MYOM3: variants seen among roughly 807,000 people sequenced by gnomAD.
MYOM3 encodes the protein myomesin-3.
A neutral mutation model predicts 191.7 loss-of-function variants in MYOM3; 155 were observed. The observed-to-expected ratio is 0.81, with a 90% CI of 0.71 to 0.92. The LOEUF (loss-of-function observed/expected upper bound fraction) is 0.92. MYOM3 is among the 40% of genes least tolerant of loss of function. The pLI, the probability that MYOM3 is intolerant of heterozygous loss-of-function variation, is 0.00. For synonymous variants in MYOM3, 757 were observed against 762.9 expected, an observed-to-expected ratio of 0.99 and a Z score of 0.13; for missense variants, 1,889 against 1,890.6, an observed-to-expected ratio of 1.00 and a Z score of 0.02.
chr1:24,075,867 T>C (rs1476774397), intron 21 of MYOM3, among the ~76,000 whole-genome samples: 1 of 152,252 alleles, frequency 6.6e-6, no homozygotes, highest in Non-Finnish European at 1.5e-5. Context: ...CATCACCAAA[T>C]ATTTATTAAA....
rs1570843951 is a variant in MYOM3, at chr1:24,056,161, T to G, written c.*1203A>C. On this transcript the variant is annotated 3_prime_UTR_variant, in exon 37 of 37. Coordinates refer to ENST00000374434, the MANE Select transcript of MYOM3 (RefSeq NM_152372.4). ...CATCTTATTTTTAAAAAGAAAAAAG[T>G]TGGGGGGCAGAGAAATGCCCAGCTC... 3.3e-5 allele frequency: 5 copies of G among 152,160 alleles called. No homozygotes were observed. The highest frequency in any genetic ancestry group is 2.6e-4 in the Admixed American group (4 of 15,270). The allele number at this position is 152,160 out of a possible 1,614,324, so 9.4% of individuals were successfully genotyped here. A position where few individuals can be genotyped will look rare whatever the true frequency, so the allele number is the denominator to read the frequency against.
chr1:24,107,707 C>A (rs1477572445), intron 3 of MYOM3, among the ~76,000 whole-genome samples: 1 of 152,160 alleles, frequency 6.6e-6, no homozygotes, highest in Non-Finnish European at 1.5e-5. Context: ...CATTCTTAGC[C>A]CCCTCCCCCA....
At chr1:24,079,179 G>A (rs1205518066) in intron 20 of MYOM3, among the ~76,000 whole-genome samples, 1 of 151,978 alleles carries the variant, frequency 6.6e-6, no homozygotes, top group Non-Finnish European at 1.5e-5. Context: ...ATCTTTTTGT[G>A]TCAATACATG....
intron 2 of MYOM3, 85 bp downstream of exon 2, chr1:24,108,391 C>A: frequency 7.3e-7 from 1 of 1,377,502 alleles, no homozygotes; most frequent in South Asian, 1.5e-5. Context: ...GTTGGAGCCT[C>A]CAGAGGGCTA....
At chr1:24,105,863 G>A (rs900153274) in intron 5 of MYOM3, 57 bp downstream of exon 5, 16 of 1,502,166 alleles carry the variant, frequency 1.1e-5, no homozygotes, top group Non-Finnish European at 1.4e-5. Flanking sequence ...TATTGGATGT[G>A]AGGAACTCAC....
At chr1:24,093,590 T>G (rs1643863379) in intron 9 of MYOM3, among the ~76,000 whole-genome samples, 1 of 151,656 alleles carries the variant, frequency 6.6e-6, no homozygotes, top group Non-Finnish European at 1.5e-5. Flanking sequence ...GTGAGGGCTC[T>G]CGGGATGGGA....
At chr1:24,100,848 C>A (rs1245739177) in intron 5 of MYOM3, among the ~76,000 whole-genome samples, 2 of 150,588 alleles carry the variant, frequency 1.3e-5, no homozygotes, top group Non-Finnish European at 2.9e-5. Context: ...GATCGCGCCA[C>A]TGCACTCCAG....
At position 24,075,307 on chromosome 1, in the gene MYOM3, C is replaced by T. The variant is rs543352116; in HGVS notation, c.2858+12G>A. ...CCCGTTGAGCAGTTGTTTCTCCTCT[C>T]GCCTCACTTACTTGTTAACTTTATC... On this transcript the variant is annotated intron_variant, in intron 22 of 36. Transcript: ENST00000374434. The T allele has an allele frequency of 8.4e-5, 136 of 1,611,620 alleles. No individual in the cohort carries two copies. Among genetic ancestry groups the T allele is most frequent in the South Asian group, 3.0e-4 (27 of 90,910 alleles).
chr1:24,108,649 A>G lies in MYOM3; in HGVS notation c.-13T>C. ...GCGGCAGAGTCATGGTTACGAGAGC[A>G]ACAACCTGTGAAGGCCAAGGTCCAC... is the stretch of plus-strand genomic sequence containing the variant. On this transcript the variant is annotated 5_prime_UTR_variant, in exon 2 of 37. Transcript: ENST00000374434. 1 of 1,540,128 alleles carries G rather than the reference A, an allele frequency of 6.5e-7. No homozygotes were observed. The highest frequency in any genetic ancestry group is 8.7e-7 in the Non-Finnish European group (1 of 1,145,508).
chr1:24,084,876 TACTC>T (rs1643716902), intron 15 of MYOM3, among the ~76,000 whole-genome samples: 1 of 152,146 alleles, frequency 6.6e-6, no homozygotes, highest in Non-Finnish European at 1.5e-5. Context: ...CACAAAAGCA[TACTC>T]ACTCATTCAT....
chr1:24,097,546 G>A (rs1208718548), intron 7 of MYOM3, among the ~76,000 whole-genome samples: 1 of 152,204 alleles, frequency 6.6e-6, no homozygotes, highest in East Asian at 1.9e-4. Context: ...AGAGAGCTGA[G>A]TTCAAGTCCC....
At chr1:24,098,787 T>G (rs981003368) in intron 6 of MYOM3, among the ~76,000 whole-genome samples, 1 of 152,204 alleles carries the variant, frequency 6.6e-6, no homozygotes, top group Non-Finnish European at 1.5e-5. Flanking sequence ...TCCCCACTTC[T>G]GAAGGGTAAG....
intron 23 of MYOM3, among the ~76,000 whole-genome samples, chr1:24,073,524 C>A (rs570785090): frequency 9.0e-4 from 137 of 152,148 alleles, no homozygotes; most frequent in Non-Finnish European, 1.7e-3. Flanking sequence ...TTTTTTGGGG[C>A]TACAGAAGGA....
At chr1:24,079,869 G>A in intron 20 of MYOM3, 147 bp downstream of exon 20, 2 of 748,332 alleles carry the variant, frequency 2.7e-6, no homozygotes, top group Non-Finnish European at 4.1e-6. Context: ...CCAACTTGCT[G>A]TGTGACCCTA....
chr1:24,106,084 G>A lies in MYOM3; in HGVS notation c.403-7C>T, dbSNP rs770610921. 1.2e-6 allele frequency: 2 copies of A among 1,605,696 alleles called. No homozygotes were observed. The highest frequency in any genetic ancestry group is 1.3e-5 in the African/African-American group (1 of 74,800). On this transcript the variant is annotated splice_region_variant and splice_polypyrimidine_tract_variant and intron_variant, in intron 4 of 36. Transcript: ENST00000374434. Reference sequence around the variant, plus strand: ...CCTGGACCTTCTCCTCTGTCTGGAGGCGGGAAGAGGTGTATGACGCTGTGA... The same window carrying A: ...CCTGGACCTTCTCCTCTGTCTGGAGACGGGAAGAGGTGTATGACGCTGTGA...
In MYOM3 at chr1:24,082,032, T is replaced by C. The variant is rs774439374; in HGVS notation, c.2249A>G (p.Asn750Ser). 1.9e-6 allele frequency: 3 copies of C among 1,611,808 alleles called. No individual in the cohort carries two copies. The highest frequency in any genetic ancestry group is 2.5e-6 in the Non-Finnish European group (3 of 1,179,802). ...GACCCGGGTGGGGATGGGCTGCTGA[T>C]TGACCGCATGCCAGTCCAGCTCTTC... ...DSEELDWHAVNQQPIPTRVCK... is the reference protein window; with the variant it reads ...DSEELDWHAVSQQPIPTRVCK... Residue 750 changes from asparagine (N) to serine (S), a missense_variant, in exon 18 of 37, where the codon AAT (asparagine) becomes AGT (serine). By Grantham distance (46) the Asn-to-Ser change is conservative. Coordinates refer to ENST00000374434, the MANE Select transcript of MYOM3 (RefSeq NM_152372.4).
chr1:24,074,246 G>A lies in MYOM3; in HGVS notation c.2882C>T (p.Pro961Leu). ...VNKSKVILKE[P>L]GLEDLGTYSV... ...GTAGGTGCCCAAATCCTCGAGGCCG[G>A]GTTCTTTCAGGATGACCTTGGACCT... is the stretch of plus-strand genomic sequence containing the variant. Residue 961 changes from proline to leucine, a missense_variant, in exon 23 of 37, where the codon CCC (proline) becomes CTC (leucine). Transcript: ENST00000374434. The A allele has an allele frequency of 6.2e-7, 1 of 1,614,072 alleles. No homozygotes were observed. Among genetic ancestry groups the A allele is most frequent in the Non-Finnish European group, 8.5e-7 (1 of 1,179,950 alleles).
intron 22 of MYOM3, among the ~76,000 whole-genome samples, chr1:24,074,884 A>C (rs1440359030): frequency 1.3e-5 from 2 of 152,170 alleles, no homozygotes; most frequent in Admixed American, 1.3e-4. Flanking sequence ...CAGGAGTTAG[A>C]GACAAGCCTA....
intron 7 of MYOM3, among the ~76,000 whole-genome samples, chr1:24,097,404 T>A (rs1196248236): frequency 1.3e-5 from 2 of 152,172 alleles, no homozygotes; most frequent in Admixed American, 6.5e-5. Context: ...TAAAATTCAG[T>A]CTGTTTTCCA....
Sources: allele counts gnomAD v4.1 joint callset (sites outside exome capture counted in the v4.1 genomes callset), GRCh38; gene constraint gnomAD v4.1.1; transcripts MANE v1.5; gene names NCBI Gene and HGNC (gene_info 2026-07-23, HGNC 2026-07-21).